The following SLCO5A1 variants were observed in gnomAD, a reference collection of about 807,000 sequenced individuals.
The protein encoded by SLCO5A1 is solute carrier organic anion transporter family member 5A1.
Under a neutral mutation model 65.1 loss-of-function variants are expected in SLCO5A1, and 39 were observed. That is an observed-to-expected ratio of 0.60 (90% CI 0.46 to 0.78). The LOEUF is 0.78. Among genes scored for constraint, SLCO5A1 ranks in the 30% least tolerant of loss-of-function variants. The probability of loss-of-function intolerance (pLI) is 0.00; values close to 1 mark genes in which losing one functional copy is unlikely to be tolerated. For synonymous variants in SLCO5A1, 438 were observed against 415.7 expected, an observed-to-expected ratio of 1.05 and a Z score of -0.65; for missense variants, 1,029 against 1,069.4, an observed-to-expected ratio of 0.96 and a Z score of 0.53.
chr8:69,751,915 T>C (rs1362890104), intron 4 of SLCO5A1, among the ~76,000 whole-genome samples: 1 of 152,094 alleles, frequency 6.6e-6, no homozygotes, highest in Non-Finnish European at 1.5e-5. Context: ...CTAATATTGG[T>C]ATCCAAATTT....
chr8:69,725,249 T>C (rs1380116282), intron 5 of SLCO5A1, among the ~76,000 whole-genome samples: 1 of 152,100 alleles, frequency 6.6e-6, no homozygotes, highest in African/African-American at 2.4e-5. Context: ...CTTTCTCCTA[T>C]ACCATATTGG....
chr8:69,697,146 T>C (rs1407033970), intron 6 of SLCO5A1, among the ~76,000 whole-genome samples: 2 of 152,250 alleles, frequency 1.3e-5, no homozygotes, highest in Non-Finnish European at 2.9e-5. Context: ...CAAAGCCCTG[T>C]GCCGAGGCAC....
intron 2 of SLCO5A1, among the ~76,000 whole-genome samples, chr8:69,786,399 A>G (rs1819041486): frequency 6.6e-6 from 1 of 152,196 alleles, no homozygotes; most frequent in African/African-American, 2.4e-5. Flanking sequence ...CAATAGGCAA[A>G]TATGCTGAGG....
chr8:69,825,345 GT>G (rs1240915203), intron 2 of SLCO5A1, among the ~76,000 whole-genome samples: 1 of 152,152 alleles, frequency 6.6e-6, no homozygotes, highest in Non-Finnish European at 1.5e-5. Flanking sequence ...AATTGTCCCT[GT>G]TTGCAGATGA....
intron 3 of SLCO5A1, 108 bp from the exon 4 acceptor site, chr8:69,755,749 G>C: frequency 1.2e-6 from 1 of 850,736 alleles, no homozygotes; most frequent in East Asian, 2.7e-5. Context: ...AAAACTTTTT[G>C]TAATCAACTG....
chr8:69,804,594 G>A (rs1408634252), intron 2 of SLCO5A1, among the ~76,000 whole-genome samples: 1 of 152,184 alleles, frequency 6.6e-6, no homozygotes, highest in South Asian at 2.1e-4. Flanking sequence ...GGGATTACAG[G>A]CATGAGCCAC....
intron 6 of SLCO5A1, among the ~76,000 whole-genome samples, chr8:69,692,793 CTAAGA>C (rs986694045): frequency 2.0e-5 from 3 of 152,210 alleles, no homozygotes; most frequent in Non-Finnish European, 4.4e-5. Flanking sequence ...CTGTCATCTC[CTAAGA>C]TAACAATGCC....
Position 69,797,038 on chromosome 8 carries a change from T to G in SLCO5A1, c.907+34729A>C, listed in dbSNP as rs1235717546. On this transcript the variant is annotated intron_variant, in intron 2 of 9. Coordinates refer to ENST00000260126, the MANE Select transcript of SLCO5A1 (RefSeq NM_030958.3). ...ACAAGTCTCTAGGAAGTTCCAAACT[T>G]TCCTTCATCTTCCTGTGTTGCGGGA... Among the ~76,000 whole-genome samples, 5 of 152,214 alleles carry G rather than the reference T, an allele frequency of 3.3e-5. No individual in the cohort carries two copies. The South Asian group carries it at 1.0e-3, about 32-fold the overall frequency.
At chr8:69,696,071 A>AT in intron 6 of SLCO5A1, among the ~76,000 whole-genome samples, 1 of 152,292 alleles carries the variant, frequency 6.6e-6, no homozygotes, top group African/African-American at 2.4e-5. Flanking sequence ...CAATCAGCAC[A>AT]TTATGTAATT....
chr8:69,730,506 T>C (rs1816284933), intron 5 of SLCO5A1, among the ~76,000 whole-genome samples: 1 of 152,322 alleles, frequency 6.6e-6, no homozygotes, highest in East Asian at 1.9e-4. Flanking sequence ...AGAAAAACAC[T>C]GTCCACCTTA....
At chr8:69,774,051 C>T (rs570720447) in intron 2 of SLCO5A1, among the ~76,000 whole-genome samples, 2 of 152,204 alleles carry the variant, frequency 1.3e-5, no homozygotes, top group Non-Finnish European at 2.9e-5. Context: ...AATGTCAGCT[C>T]AATGAGAACA....
intron 5 of SLCO5A1, among the ~76,000 whole-genome samples, chr8:69,713,064 T>A (rs968225626): frequency 6.6e-6 from 1 of 152,202 alleles, no homozygotes; most frequent in Non-Finnish European, 1.5e-5. Flanking sequence ...TAGCAAAAGC[T>A]TAAACTGCCA....
In SLCO5A1 at chr8:69,833,112, G is replaced by A. The variant is rs1220032396; in HGVS notation, c.-439C>T. 6.1e-6 allele frequency: 1 copy of A among 164,696 alleles called. No homozygotes were observed. Among genetic ancestry groups the A allele is most frequent in the Non-Finnish European group, 1.3e-5 (1 of 76,528 alleles). The allele number at this position is 164,696 out of a possible 1,614,324, so 10.2% of individuals were successfully genotyped here. On this transcript the variant is annotated 5_prime_UTR_variant, in exon 2 of 10. Transcript: ENST00000260126. The stretch of plus-strand genomic sequence containing the variant: ...TACAGCATCCCACCTCGCTGCGCCA[G>A]GGGTACCGGGTGTTCGCCGCCTGGG...
At chr8:69,750,681 A>G (rs943208529) in intron 4 of SLCO5A1, among the ~76,000 whole-genome samples, 1 of 152,168 alleles carries the variant, frequency 6.6e-6, no homozygotes, top group African/African-American at 2.4e-5. Context: ...TTCAAGGTTC[A>G]TCTCAAATGC....
At chr8:69,712,770 AGTGT>A (rs1236992254) in intron 5 of SLCO5A1, among the ~76,000 whole-genome samples, 1 of 152,178 alleles carries the variant, frequency 6.6e-6, no homozygotes, top group Non-Finnish European at 1.5e-5. Context: ...ACCAACGCCT[AGTGT>A]GTGTTTGGAT....
At chr8:69,763,614 C>CAAAAAA (rs770191440) in intron 2 of SLCO5A1, among the ~76,000 whole-genome samples, 2 of 13,168 alleles carry the variant, frequency 1.5e-4, no homozygotes, top group African/African-American at 2.0e-4. Flanking sequence ...AGCAAGACTC[C>CAAAAAA]AAAAAAAAAA....
In SLCO5A1 at chr8:69,672,968, G is replaced by A. The variant is rs1813388461; in HGVS notation, c.2448C>T (p.Cys816=). The part of the protein sequence containing the change: ...EETGLQKGIQ[C]AAQTYPGPFP... The stretch of plus-strand genomic sequence containing the variant: ...AGGGCCCCGGGTAGGTCTGTGCTGC[G>A]CACTGGATCCCTTTTTGCAGGCCAG... The change falls in exon 10 of 10, where the codon TGC becomes TGT. Residue 816 remains cysteine, a synonymous_variant. Transcript: ENST00000260126. 2 of 1,614,216 alleles carry A rather than the reference G, an allele frequency of 1.2e-6. No individual in the cohort carries two copies. Among genetic ancestry groups the A allele is most frequent in the African/African-American group, 1.3e-5 (1 of 75,060 alleles).
Position 69,669,861 on chromosome 8 carries a change from C to G in SLCO5A1, c.*3008G>C, listed in dbSNP as rs1316879551. ...ATCTTTGCAAGGTAATTAAGAGGATCAAAATGAATGATGATGTATATTAAG... is the reference window on the plus strand; with the variant it reads ...ATCTTTGCAAGGTAATTAAGAGGATGAAAATGAATGATGATGTATATTAAG... On this transcript the variant is annotated 3_prime_UTR_variant, in exon 10 of 10. Transcript: ENST00000260126. 6.6e-6 allele frequency: 1 copy of G among 151,614 alleles called. No homozygotes were observed. The highest frequency in any genetic ancestry group is 2.4e-5 in the African/African-American group (1 of 41,284). The allele number at this position is 151,614 out of a possible 1,614,324, so 9.4% of individuals were successfully genotyped here. A position where few individuals can be genotyped will look rare whatever the true frequency, so the allele number is the denominator to read the frequency against.
intron 2 of SLCO5A1, among the ~76,000 whole-genome samples, chr8:69,811,439 G>A (rs562771863): frequency 6.6e-6 from 1 of 152,346 alleles, no homozygotes; most frequent in South Asian, 2.1e-4. Context: ...CAGACACAAG[G>A]AAGCAGAGAT....
Sources: gnomAD v4.1 joint callset for allele counts (sites outside exome capture counted in the v4.1 genomes callset) on GRCh38, gnomAD v4.1.1 for gene constraint, MANE v1.5 for transcripts, NCBI Gene and HGNC (gene_info 2026-07-23, HGNC 2026-07-21) for gene names.